The following HIF3A variants were observed in gnomAD, a reference collection of about 807,000 sequenced individuals.
HIF3A encodes hypoxia inducible factor 3 subunit alpha.
A neutral mutation model predicts 67.2 loss-of-function variants in HIF3A; 41 were observed. That is an observed-to-expected ratio of 0.61 (90% CI 0.48 to 0.79). The LOEUF is 0.79. Ranked by LOEUF, HIF3A falls within the 30% of genes least tolerant of loss-of-function variation. The pLI is 0.00. For synonymous variants in HIF3A, 356 were observed against 374.8 expected, an observed-to-expected ratio of 0.95 and a Z score of 0.58; for missense variants, 855 against 898.0, an observed-to-expected ratio of 0.95 and a Z score of 0.61.
intron 10 of HIF3A, among the ~76,000 whole-genome samples, chr19:46,322,661 G>A (rs764290109): frequency 2.0e-5 from 3 of 151,950 alleles, no homozygotes; most frequent in Non-Finnish European, 2.9e-5. Context: ...GGCTGGTCTC[G>A]AGCTCCTGAC....
intron 14 of HIF3A, among the ~76,000 whole-genome samples, chr19:46,336,085 CTTTTTTTTTTTT>C (rs1017798750): frequency 6.3e-5 from 5 of 79,396 alleles, no homozygotes; most frequent in Non-Finnish European, 9.1e-5. Flanking sequence ...CTCTCTCTCT[CTTTTTTTTTTTT>C]TTTTTTTTTT....
intron 1 of HIF3A, among the ~76,000 whole-genome samples, chr19:46,299,098 C>T (rs1968107787): frequency 6.6e-6 from 1 of 152,252 alleles, no homozygotes; most frequent in Admixed American, 6.5e-5. Flanking sequence ...CCGCCAGGCC[C>T]TGGCCCCACC....
chr19:46,301,685 G>A (rs1050498576), intron 1 of HIF3A, among the ~76,000 whole-genome samples: 14 of 151,986 alleles, frequency 9.2e-5, no homozygotes, highest in African/African-American at 2.9e-4. Context: ...AATTAGCCGG[G>A]CGTGGTGGCA....
chr19:46,336,592 G>A (rs56409363), intron 14 of HIF3A, among the ~76,000 whole-genome samples: 5 of 152,020 alleles, frequency 3.3e-5, no homozygotes, highest in African/African-American at 1.2e-4. Context: ...TCACCACGTT[G>A]CCCAGGCTGG....
At chr19:46,319,245 A>C (rs1970175100) in intron 8 of HIF3A, among the ~76,000 whole-genome samples, 1 of 152,122 alleles carries the variant, frequency 6.6e-6, no homozygotes, top group Admixed American at 6.6e-5. Context: ...TTTCAGGGGA[A>C]TAAGGGTGGC....
Position 46,304,065 on chromosome 19 carries a change from G to T in HIF3A, c.194G>T (p.Arg65Leu), listed in dbSNP as rs867611831. The T allele has an allele frequency of 6.3e-6, 10 of 1,576,084 alleles. No homozygotes were observed. Among genetic ancestry groups the T allele is most frequent in the Non-Finnish European group, 8.6e-6 (10 of 1,162,214 alleles). ...SIMRLTISYL[R>L]MHRLCAAGEW... ...ATGCGCCTCACCATCAGCTACCTGC[G>T]CATGCACCGCCTCTGCGCCGCAGGT... The change falls in exon 2 of 15, where the codon CGC becomes CTC. Residue 65 changes from arginine to leucine, a missense_variant. By Grantham distance (102) the Arg-to-Leu change is moderately radical. Coordinates refer to ENST00000377670, the MANE Select transcript of HIF3A (RefSeq NM_152795.4).
intron 3 of HIF3A, among the ~76,000 whole-genome samples, chr19:46,307,169 G>A (rs1337799413): frequency 1.3e-5 from 2 of 152,082 alleles, no homozygotes; most frequent in Non-Finnish European, 2.9e-5. Context: ...CCATCATTGC[G>A]TTACCTTGTA....
intron 12 of HIF3A, among the ~76,000 whole-genome samples, chr19:46,330,021 G>A (rs1297148305): frequency 2.9e-5 from 4 of 139,530 alleles, no homozygotes; most frequent in African/African-American, 1.0e-4. Flanking sequence ...AGGAAGGGAG[G>A]AAGGAAAGAA....
Position 46,325,651 on chromosome 19 carries a change from C to T in HIF3A, c.1440+12C>T, listed in dbSNP as rs1266356787. ...TAGATATAGCTCAGGTAAGGGCTGG[C>T]ATGGAAGGGAGTAATCCTCAGCCCT... On this transcript the variant is annotated intron_variant, in intron 11 of 14. Coordinates refer to ENST00000377670, the MANE Select transcript of HIF3A (RefSeq NM_152795.4). 3 of 1,549,326 alleles carry T rather than the reference C, an allele frequency of 1.9e-6. No individual in the cohort carries two copies. The highest frequency in any genetic ancestry group is 1.8e-6 in the Non-Finnish European group (2 of 1,122,186).
intron 7 of HIF3A, 71 bp downstream of exon 7, chr19:46,312,338 G>A (rs760166352): frequency 1.2e-6 from 2 of 1,611,676 alleles, no homozygotes; most frequent in African/African-American, 2.7e-5. Context: ...GGACCCCCCA[G>A]CTCCCCATAC....
rs1210006394 is a variant in HIF3A, at chr19:46,329,478, G to A, written c.1712G>A (p.Arg571Lys). 10 of 1,511,710 alleles carry A rather than the reference G, an allele frequency of 6.6e-6. No homozygotes were observed. The highest frequency in any genetic ancestry group is 4.4e-5 in the Admixed American group (2 of 45,056). 93.6% of individuals were successfully genotyped at this position (1,511,710 alleles called of 1,614,324 possible). The change falls in exon 12 of 15, where the codon AGG (arginine) becomes AAG (lysine). Residue 571 changes from arginine (R) to lysine (K), a missense_variant and splice_region_variant. Physicochemically the swap from Arg to Lys is conservative, Grantham distance 26 (BLOSUM62 2). Around this residue, in one of 3 missense-constraint regions of HIF3A, gnomAD observed 199 missense variants for 193.8 expected, o/e 1.03. Coordinates refer to ENST00000377670, the MANE Select transcript of HIF3A (RefSeq NM_152795.4). Reference sequence around the variant, plus strand: ...TCTCCCATGGCTGGGGCTCGGAAGAGGTGAGCCACAGTAAAGGGGGGACAT... The same window carrying A: ...TCTCCCATGGCTGGGGCTCGGAAGAAGTGAGCCACAGTAAAGGGGGGACAT... ...ASSPMAGARK[R>K]TLAQSSEDED...
At chr19:46,319,509 A>G (rs772057320) in intron 8 of HIF3A, among the ~76,000 whole-genome samples, 1 of 152,198 alleles carries the variant, frequency 6.6e-6, no homozygotes, top group African/African-American at 2.4e-5. Flanking sequence ...TGCCAGGGAC[A>G]TAAGGATGTA....
intron 8 of HIF3A, chr19:46,312,985 C>G (rs1053742895): frequency 2.0e-6 from 2 of 997,434 alleles, no homozygotes; most frequent in Non-Finnish European, 2.4e-6. Context: ...CATGGTGGCT[C>G]ATGCCTGTAA....
intron 1 of HIF3A, among the ~76,000 whole-genome samples, chr19:46,302,763 A>G (rs1968455804): frequency 6.6e-6 from 1 of 152,162 alleles, no homozygotes; most frequent in South Asian, 2.1e-4. Context: ...GGTCCCAGCT[A>G]CATAAGAGGC....
At chr19:46,323,577 G>A (rs1009497068) in intron 10 of HIF3A, among the ~76,000 whole-genome samples, 1 of 152,076 alleles carries the variant, frequency 6.6e-6, no homozygotes, top group Non-Finnish European at 1.5e-5. Context: ...CAGGAACCAT[G>A]CACAAAATCA....
At chr19:46,304,993 T>G (rs751538514) in intron 2 of HIF3A, 18 of 592,600 alleles carry the variant, frequency 3.0e-5, no homozygotes, top group Non-Finnish European at 5.2e-5. Context: ...TCCTTAGAAT[T>G]CTGTTCCCTT....
intron 3 of HIF3A, among the ~76,000 whole-genome samples, chr19:46,306,134 T>C (rs1372859716): frequency 1.3e-5 from 2 of 152,004 alleles, no homozygotes; most frequent in African/African-American, 2.4e-5. Context: ...CAGAGTGCAA[T>C]AGGAGAAGCT....
chr19:46,322,127 G>A (rs959202266), intron 10 of HIF3A, among the ~76,000 whole-genome samples, 161 bp downstream of exon 10: 1 of 152,214 alleles, frequency 6.6e-6, no homozygotes, highest in South Asian at 2.1e-4. Context: ...TTAAGACGCA[G>A]ATCCAGATTT....
At chr19:46,308,074 A>C (rs1215830545) in intron 3 of HIF3A, 147 bp from the exon 4 acceptor site, 3 of 721,980 alleles carry the variant, frequency 4.2e-6, no homozygotes, top group African/African-American at 1.7e-5. Context: ...GGGTGGATGG[A>C]TGGATGGATG....
Sources: gnomAD v4.1 joint callset for allele counts (sites outside exome capture counted in the v4.1 genomes callset) on GRCh38, gnomAD v4.1.1 for gene constraint, gnomAD v4.1.1 regional missense constraint, MANE v1.5 for transcripts, NCBI Gene and HGNC (gene_info 2026-07-23, HGNC 2026-07-21) for gene names.